ANOS1: variants seen among roughly 807,000 people sequenced by gnomAD.
The protein encoded by ANOS1 is anosmin 1.
In ANOS1, 6 loss-of-function variants were observed where a neutral mutation model predicts 59.0. That is an observed-to-expected ratio of 0.10 (90% confidence interval 0.06 to 0.20). The LOEUF is 0.20. ANOS1 is among the 10% of genes least tolerant of loss of function. The probability of loss-of-function intolerance (pLI) is 1.00; values close to 1 mark genes in which losing one functional copy is unlikely to be tolerated. For synonymous variants in ANOS1, 217 were observed against 223.4 expected (o/e 0.97, Z 0.25); for missense variants, 433 against 542.3 (o/e 0.80, Z 2.00).
chrX:8,540,539 C>T (rs750466744), intron 9 of ANOS1, among the ~76,000 whole-genome samples: 64 of 111,096 alleles, frequency 5.8e-4, no homozygotes, highest in African/African-American at 1.8e-3. Flanking sequence ...GATAAAATAG[C>T]GGCAAGCAAC....
intron 1 of ANOS1, among the ~76,000 whole-genome samples, chrX:8,703,973 C>T (rs1340488482): frequency 9.0e-6 from 1 of 111,284 alleles, no homozygotes; most frequent in Non-Finnish European, 1.9e-5. Flanking sequence ...CCCACAATTC[C>T]CATGTGATGT....
chrX:8,565,972 C>CA, intron 8 of ANOS1: 1 of 750,739 alleles, frequency 1.3e-6, no homozygotes, highest in Non-Finnish European at 1.6e-6. Context: ...ATGAGACCTC[C>CA]AGGGGAGAGA....
intron 4 of ANOS1, among the ~76,000 whole-genome samples, chrX:8,590,182 C>A (rs1316262039): frequency 2.7e-5 from 3 of 111,852 alleles, no homozygotes; most frequent in Non-Finnish European, 3.8e-5. Flanking sequence ...AACTTCTTGG[C>A]ATCCCCTTCA....
At chrX:8,559,523 C>T (rs1929999988) in intron 8 of ANOS1, among the ~76,000 whole-genome samples, 1 of 111,558 alleles carries the variant, frequency 9.0e-6, no homozygotes, top group Non-Finnish European at 1.9e-5. Flanking sequence ...TTCAAGATTT[C>T]ATTCTTAGCC....
At chrX:8,537,234 C>T (rs1929610630) in intron 10 of ANOS1, among the ~76,000 whole-genome samples, 1 of 111,485 alleles carries the variant, frequency 9.0e-6, no homozygotes, top group African/African-American at 3.3e-5. Context: ...GAGTTGGTAG[C>T]AGTGCAGGTA....
chrX:8,675,860 C>A (rs1296535454), intron 2 of ANOS1, among the ~76,000 whole-genome samples: 1 of 87,521 alleles, frequency 1.1e-5, no homozygotes, highest in Non-Finnish European at 2.2e-5. Context: ...TCCCTCCCCC[C>A]ACCCCACCCC....
chrX:8,700,454 C>T (rs1389580884), intron 1 of ANOS1, among the ~76,000 whole-genome samples: 5 of 111,401 alleles, frequency 4.5e-5, no homozygotes, highest in Non-Finnish European at 9.4e-5. Flanking sequence ...GGAGGAAATC[C>T]ACCTCTATGA....
chrX:8,637,776 C>T (rs982455101), intron 2 of ANOS1, among the ~76,000 whole-genome samples: 26 of 112,487 alleles, frequency 2.3e-4, no homozygotes, highest in African/African-American at 8.4e-4. Context: ...GAAGTAGAAG[C>T]TGCATTTCCC....
intron 2 of ANOS1, among the ~76,000 whole-genome samples, chrX:8,676,527 T>A (rs145987796): frequency 0.023 from 2,581 of 112,150 alleles, 83 homozygotes; most frequent in African/African-American, 0.079. Flanking sequence ...GTTCTGCTTT[T>A]CTTTAATGAG....
At chrX:8,573,783 A>G (rs1930273839) in intron 6 of ANOS1, among the ~76,000 whole-genome samples, 1 of 111,241 alleles carries the variant, frequency 9.0e-6, no homozygotes, top group Admixed American at 9.5e-5. Flanking sequence ...AGTACATGGG[A>G]ATTGCTCTTT....
intron 8 of ANOS1, chrX:8,566,325 A>G: frequency 1.6e-6 from 1 of 615,842 alleles, no homozygotes; most frequent in Non-Finnish European, 1.9e-6. Flanking sequence ...GGAATAATGT[A>G]TGTGTGTGTA....
At chrX:8,646,932 CAAAAAAAAA>C (rs775821235) in intron 2 of ANOS1, among the ~76,000 whole-genome samples, 1 of 51,867 alleles carries the variant, frequency 1.9e-5, no homozygotes, top group African/African-American at 6.3e-5. Flanking sequence ...GAACCTGTCT[CAAAAAAAAA>C]AAAAAAAAAA....
intron 1 of ANOS1, among the ~76,000 whole-genome samples, chrX:8,720,366 A>G (rs1014085877): frequency 6.3e-5 from 7 of 111,427 alleles, no homozygotes; most frequent in Admixed American, 5.8e-4. Flanking sequence ...CGCTTCCCCA[A>G]GAATCTCGAT....
intron 1 of ANOS1, among the ~76,000 whole-genome samples, chrX:8,704,016 GGGGGC>G (rs1165883402): frequency 9.1e-6 from 1 of 110,406 alleles, no homozygotes; most frequent in African/African-American, 3.3e-5. Flanking sequence ...ATTGAATCAT[GGGGGC>G]GGGTTTTTCC....
At chrX:8,556,283 G>A (rs1216991440) in intron 8 of ANOS1, among the ~76,000 whole-genome samples, 1 of 109,090 alleles carries the variant, frequency 9.2e-6, no homozygotes, top group Non-Finnish European at 1.9e-5. Flanking sequence ...AGACAAGGAT[G>A]CCCTCTCTCA....
chrX:8,544,171 A>G (rs1289424973), intron 9 of ANOS1, among the ~76,000 whole-genome samples: 1 of 109,479 alleles, frequency 9.1e-6, no homozygotes, highest in Non-Finnish European at 1.9e-5. Context: ...TCAGTTCGCA[A>G]AAGTCTAATG....
intron 6 of ANOS1, among the ~76,000 whole-genome samples, chrX:8,572,425 G>C (rs1930248376): frequency 9.0e-6 from 1 of 111,100 alleles, no homozygotes; most frequent in African/African-American, 3.3e-5. Flanking sequence ...GAGGATAATG[G>C]CTTCCAGCTC....
At chrX:8,694,152 G>T (rs1242750117) in intron 2 of ANOS1, among the ~76,000 whole-genome samples, 1 of 111,599 alleles carries the variant, frequency 9.0e-6, no homozygotes, top group African/African-American at 3.3e-5. Context: ...TAGGGCCTAG[G>T]GCATAGTAGA....
intron 2 of ANOS1, among the ~76,000 whole-genome samples, chrX:8,626,872 A>AC (rs1210405393): frequency 9.1e-6 from 1 of 110,263 alleles, no homozygotes; most frequent in African/African-American, 3.3e-5. Context: ...AAAAAAAAAA[A>AC]AAAGAAAAGA....
Sources: gnomAD v4.1 joint callset for allele counts (sites outside exome capture counted in the v4.1 genomes callset) on GRCh38, gnomAD v4.1.1 for gene constraint, MANE v1.5 for transcripts, NCBI Gene and HGNC (gene_info 2026-07-23, HGNC 2026-07-21) for gene names.